The following VEZT variants were observed in gnomAD, a reference collection of about 807,000 sequenced individuals.
The protein encoded by VEZT is vezatin.
VEZT carries 39 observed loss-of-function variants against 79.9 expected under a neutral mutation model. That is an observed-to-expected ratio of 0.49 (90% CI 0.38 to 0.64). The LOEUF is 0.64. VEZT is among the 30% of genes least tolerant of loss of function. The pLI is 0.00. For missense variants in VEZT, 837 were observed against 893.1 expected (o/e 0.94, Z 0.80); for synonymous variants, 325 against 327.6 (o/e 0.99, Z 0.09).
chr12:95,251,948 A>T lies in VEZT; in HGVS notation c.45A>T (p.Pro15=). 1 of 1,600,468 alleles carries T rather than the reference A, an allele frequency of 6.2e-7. No homozygotes were observed. Among genetic ancestry groups the T allele is most frequent in the Non-Finnish European group, 8.5e-7 (1 of 1,175,924 alleles). The change falls in exon 2 of 12, where the codon CCA becomes CCT. Residue 15 remains proline, a synonymous_variant. Coordinates refer to ENST00000436874, the MANE Select transcript of VEZT (RefSeq NM_017599.4). ...TTTTGTGTCTTTTTCAGAATTCTCCACTTTACCAATACTTACAGGATCTGG... is the reference window on the plus strand; with the variant it reads ...TTTTGTGTCTTTTTCAGAATTCTCCTCTTTACCAATACTTACAGGATCTGG... ...FDEEVVFENS[P]LYQYLQDLGH...
At position 95,240,021 on chromosome 12, in the gene VEZT, A is replaced by AAGG. The variant is rs2060748690; in HGVS notation, c.37-11918_37-11917insGGA. On this transcript the variant is annotated intron_variant, in intron 1 of 11. Coordinates refer to ENST00000436874, the MANE Select transcript of VEZT (RefSeq NM_017599.4). ...GAGACAGAGAGAGAAAGAGAGAAAGAAAGGAAGGAAGGAAGGAAGGAAGGA... is the reference window on the plus strand; with the variant it reads ...GAGACAGAGAGAGAAAGAGAGAAAGAAGGAAGGAAGGAAGGAAGGAAGGAAGGA... 1.8e-4 allele frequency among the ~76,000 whole-genome samples: 15 copies of AAGG among 81,464 alleles called. No homozygotes were observed. In the East Asian group the frequency reaches 3.7e-3, roughly 20 times the overall value. 53.4% of individuals were successfully genotyped at this position (81,464 alleles called of 152,430 possible).
chr12:95,274,989 GT>G, intron 7 of VEZT, 100 bp downstream of exon 7: 1 of 1,392,466 alleles, frequency 7.2e-7, no homozygotes, highest in Non-Finnish European at 9.6e-7. Context: ...TCCACTCATT[GT>G]TTGCTGCATA....
intron 9 of VEZT, among the ~76,000 whole-genome samples, chr12:95,289,417 CAAAAAAAAAAAAAA>C (rs146728004): frequency 2.9e-4 from 20 of 69,464 alleles, no homozygotes; most frequent in East Asian, 9.3e-4. Context: ...ACTCTTGTCT[CAAAAAAAAAAAAAA>C]AAAAAAAAAA....
At chr12:95,219,417 A>G (rs59404873) in intron 1 of VEZT, among the ~76,000 whole-genome samples, 1,532 of 152,240 alleles carry the variant, frequency 0.01, 24 homozygotes, top group African/African-American at 0.035. Context: ...GTAATTTTTT[A>G]GCCTCTATAT....
rs368703857 is a variant in VEZT at position 95,263,282 on chromosome 12, G to A, written c.434+201G>A. Among the ~76,000 whole-genome samples the A allele has an allele frequency of 3.3e-5, 5 of 152,270 alleles. 1 individual carries two copies. Among genetic ancestry groups the A allele is most frequent in the African/African-American group, 1.2e-4 (5 of 41,556 alleles). On this transcript the variant is annotated intron_variant, in intron 4 of 11. Coordinates refer to ENST00000436874, the MANE Select transcript of VEZT (RefSeq NM_017599.4). ...GAAGCTAGGGAAAAAAATCCAATTT[G>A]GTTATTATATACTTCCAACTCATTA...
chr12:95,269,053 T>A lies in VEZT; in HGVS notation c.711-998T>A, dbSNP rs145734225. Among the ~76,000 whole-genome samples the A allele has an allele frequency of 4.0e-3, 604 of 152,348 alleles. 6 individuals are homozygous for A. Among genetic ancestry groups the A allele is most frequent in the African/African-American group, 0.013 (552 of 41,590 alleles). The stretch of plus-strand genomic sequence containing the variant: ...AAATTTGGTTTTTATAGATTTTTAA[T>A]ACCTGAATACATTTTAGTATGGTTT... On this transcript the variant is annotated intron_variant, in intron 5 of 11. Transcript: ENST00000436874.
chr12:95,260,928 AAG>A (rs1386865415), intron 3 of VEZT, among the ~76,000 whole-genome samples: 1 of 151,658 alleles, frequency 6.6e-6, no homozygotes, highest in Non-Finnish European at 1.5e-5. Context: ...GAATTGTGGG[AAG>A]AGAGAAGAGG....
At chr12:95,269,587 AATGTATATTAAGAATTTAAAAGTGTTTAT>A (rs1277623535) in intron 5 of VEZT, among the ~76,000 whole-genome samples, 3 of 152,364 alleles carry the variant, frequency 2.0e-5, no homozygotes, top group East Asian at 1.9e-4. Context: ...AACGTATGTA[AATGTATATTAAGAATTTAAAAGTGTTTAT>A]AATTAAGGTC....
Position 95,300,309 on chromosome 12 carries a change from G to A in VEZT, c.1976G>A (p.Ser659Asn). ...TCCGCCACAACAGACAATGAAATAAGTAGGACTGAGTATTTATGTGAAAAC... is the reference window on the plus strand; with the variant it reads ...TCCGCCACAACAGACAATGAAATAAATAGGACTGAGTATTTATGTGAAAAC... ...NKSATTDNEISRTEYLCENSL... is the reference protein window; with the variant it reads ...NKSATTDNEINRTEYLCENSL... The change falls in exon 12 of 12, where the codon AGT becomes AAT. Residue 659 changes from serine to asparagine, a missense_variant. Coordinates refer to ENST00000436874, the MANE Select transcript of VEZT (RefSeq NM_017599.4). The A allele has an allele frequency of 1.2e-6, 2 of 1,609,496 alleles. No homozygotes were observed. Among genetic ancestry groups the A allele is most frequent in the East Asian group, 2.2e-5 (1 of 44,816 alleles).
intron 7 of VEZT, among the ~76,000 whole-genome samples, chr12:95,281,231 C>T (rs145558102): frequency 3.3e-5 from 5 of 152,138 alleles, no homozygotes; most frequent in South Asian, 2.1e-4. Flanking sequence ...ATCTCAGGAA[C>T]GGGCCTATGA....
intron 6 of VEZT, among the ~76,000 whole-genome samples, chr12:95,273,261 C>T (rs930274890): frequency 2.0e-4 from 30 of 151,920 alleles, no homozygotes; most frequent in African/African-American, 6.3e-4. Context: ...ACAAAGTGCA[C>T]GGATTGGTAT....
At chr12:95,281,761 G>T (rs1003174924) in intron 7 of VEZT, among the ~76,000 whole-genome samples, 1 of 151,968 alleles carries the variant, frequency 6.6e-6, no homozygotes, top group African/African-American at 2.4e-5. Flanking sequence ...GGCCAGGCTG[G>T]TCTCAAACTC....
Position 95,300,797 on chromosome 12 carries a change from A to G in VEZT, c.*124A>G, listed in dbSNP as rs2075129260. On this transcript the variant is annotated 3_prime_UTR_variant, in exon 12 of 12. Transcript: ENST00000436874. ...TAAAGCTAAGATGTGGATTTACAGG[A>G]AGAACCCTGGTTTGAATAACTGATC... 2 of 1,305,744 alleles carry G rather than the reference A, an allele frequency of 1.5e-6. No homozygotes were observed. Among genetic ancestry groups the G allele is most frequent in the East Asian group, 2.7e-5 (1 of 37,234 alleles). 80.9% of individuals were successfully genotyped at this position (1,305,744 alleles called of 1,614,324 possible). A position where few individuals can be genotyped will look rare whatever the true frequency, so the allele number is the denominator to read the frequency against.
intron 1 of VEZT, chr12:95,242,189 A>G: frequency 6.6e-6 from 1 of 152,174 alleles, no homozygotes; most frequent in African/African-American, 2.4e-5. Flanking sequence ...CTACTATGGA[A>G]GTACCACTAC....
intron 7 of VEZT, among the ~76,000 whole-genome samples, chr12:95,277,037 C>G (rs2139069450): frequency 6.6e-6 from 1 of 151,984 alleles, no homozygotes; most frequent in Middle Eastern, 3.4e-3. Flanking sequence ...CCATCCTAGT[C>G]CCAGCCACCA....
rs1486342024 is a variant in VEZT at position 95,234,689 on chromosome 12, T to G, written c.36+16803T>G. 3.9e-5 allele frequency among the ~76,000 whole-genome samples: 6 copies of G among 152,096 alleles called. No individual in the cohort carries two copies. In the South Asian group the frequency reaches 1.2e-3, roughly 31 times the overall value. ...TTTATTTATTTATTTATTTATTTTT[T>G]AATTGATCATTCTTGGGTGTGATTT... On this transcript the variant is annotated intron_variant, in intron 1 of 11. Transcript: ENST00000436874.
intron 3 of VEZT, among the ~76,000 whole-genome samples, chr12:95,260,843 A>C (rs191508131): frequency 1.1e-4 from 16 of 152,264 alleles, no homozygotes; most frequent in African/African-American, 3.6e-4. Context: ...CAATAGTATA[A>C]AGTGAGTTGT....
At chr12:95,243,902 AC>A (rs1175562157) in intron 1 of VEZT, 6 of 454,382 alleles carry the variant, frequency 1.3e-5, no homozygotes, top group Non-Finnish European at 2.7e-5. Flanking sequence ...CTTTGCACAT[AC>A]CCACTCCCGC....
At chr12:95,269,663 A>T (rs2066216515) in intron 5 of VEZT, among the ~76,000 whole-genome samples, 2 of 152,330 alleles carry the variant, frequency 1.3e-5, no homozygotes, top group East Asian at 1.9e-4. Flanking sequence ...TGAAAACTGA[A>T]TATAAAGTAG....
Sources: gnomAD v4.1 joint callset for allele counts (sites outside exome capture counted in the v4.1 genomes callset) on GRCh38, gnomAD v4.1.1 for gene constraint, MANE v1.5 for transcripts, NCBI Gene and HGNC (gene_info 2026-07-23, HGNC 2026-07-21) for gene names.